DNER: variants seen among roughly 807,000 people sequenced by gnomAD.
DNER encodes the protein delta and Notch-like epidermal growth factor-related receptor.
A neutral mutation model predicts 78.2 loss-of-function variants in DNER; 33 were observed. The observed-to-expected ratio is 0.42, with a 90% confidence interval of 0.32 to 0.56. The LOEUF (loss-of-function observed/expected upper bound fraction) is 0.56, where lower values mean the gene tolerates loss of function less well. DNER is among the 20% of genes least tolerant of loss of function. The pLI is 0.11. For missense variants in DNER, 918 were observed against 975.3 expected (o/e 0.94, Z 0.78); for synonymous variants, 417 against 384.8 (o/e 1.08, Z -0.98).
chr2:229,541,905 T>TTTATATTTATATTTATAAA lies in DNER; in HGVS notation c.993+5023_993+5041dup, dbSNP rs1173841475. ...TATTTATATGTATATATAAATTATATTTATATTTATATTTATAAATTATAT... is the reference window on the plus strand; with the variant it reads ...TATTTATATGTATATATAAATTATATTTATATTTATATTTATAAATTATATTTATATTTATAAATTATAT... On this transcript the variant is annotated intron_variant, in intron 5 of 12. Transcript: ENST00000341772. Among the ~76,000 whole-genome samples the TTTATATTTATATTTATAAA allele has an allele frequency of 8.2e-5, 12 of 147,144 alleles. 1 individual carries two copies. The highest frequency in any genetic ancestry group is 2.7e-4 in the African/African-American group (11 of 40,730).
chr2:229,638,363 C>T (rs201028877), intron 1 of DNER, among the ~76,000 whole-genome samples: 2 of 152,158 alleles, frequency 1.3e-5, no homozygotes, highest in East Asian at 3.9e-4. Context: ...ATAGTATTCA[C>T]CTAAAGGCAG....
intron 4 of DNER, among the ~76,000 whole-genome samples, chr2:229,564,078 C>T (rs1271490500): frequency 5.0e-5 from 6 of 118,998 alleles, no homozygotes; most frequent in Non-Finnish European, 1.1e-4. Flanking sequence ...CATCATCATC[C>T]TCACCCCATC....
intron 10 of DNER, among the ~76,000 whole-genome samples, chr2:229,394,532 C>A (rs961772165): frequency 6.6e-6 from 1 of 152,180 alleles, no homozygotes; most frequent in Non-Finnish European, 1.5e-5. Flanking sequence ...GGGAATGAAG[C>A]GTCTGTGTGG....
At chr2:229,503,886 T>G (rs535317635) in intron 6 of DNER, among the ~76,000 whole-genome samples, 3 of 151,944 alleles carry the variant, frequency 2.0e-5, no homozygotes, top group Admixed American at 6.5e-5. Context: ...GTACTACAGA[T>G]GCACACCAAC....
Position 229,489,199 on chromosome 2 carries a change from G to C in DNER, c.1148-11946C>G, listed in dbSNP as rs933040308. On this transcript the variant is annotated intron_variant, in intron 6 of 12. Transcript: ENST00000341772. The stretch of plus-strand genomic sequence containing the variant: ...AGCTGTGAGTAAGGCAGCATGGCCT[G>C]CGGGGAGGGTGCAATCACCCAGGCG... Among the ~76,000 whole-genome samples, 18 of 152,236 alleles carry C rather than the reference G, an allele frequency of 1.2e-4. No individual in the cohort carries two copies. The East Asian group carries it at 1.5e-3, about 13-fold the overall frequency.
chr2:229,544,335 G>A (rs1696576631), intron 5 of DNER, among the ~76,000 whole-genome samples: 1 of 152,114 alleles, frequency 6.6e-6, no homozygotes, highest in Non-Finnish European at 1.5e-5. Context: ...CCTCACTCTA[G>A]TGGCTCACCT....
At chr2:229,553,771 G>T (rs1696794384) in intron 4 of DNER, among the ~76,000 whole-genome samples, 1 of 152,134 alleles carries the variant, frequency 6.6e-6, no homozygotes, top group South Asian at 2.1e-4. Context: ...AACTGCCAAC[G>T]ATAACAACTC....
intron 1 of DNER, among the ~76,000 whole-genome samples, chr2:229,639,746 A>G (rs1015010825): frequency 5.3e-5 from 8 of 152,190 alleles, no homozygotes; most frequent in African/African-American, 1.9e-4. Context: ...CACAGACATC[A>G]AGCAGCTGGC....
chr2:229,656,658 TATA>T (rs1305991387), intron 1 of DNER, among the ~76,000 whole-genome samples: 1 of 152,200 alleles, frequency 6.6e-6, no homozygotes, highest in Non-Finnish European at 1.5e-5. Context: ...CACTTCTATT[TATA>T]ACACTTAAAA....
At chr2:229,419,278 T>C (rs1223443721) in intron 8 of DNER, among the ~76,000 whole-genome samples, 1 of 152,220 alleles carries the variant, frequency 6.6e-6, no homozygotes, top group Non-Finnish European at 1.5e-5. Flanking sequence ...GGTTATGCTG[T>C]TTTCAACTTT....
At chr2:229,413,984 T>C (rs73100251) in intron 9 of DNER, among the ~76,000 whole-genome samples, 5,459 of 152,056 alleles carry the variant, frequency 0.036, 298 homozygotes, top group African/African-American at 0.12. Flanking sequence ...TATGTAAATA[T>C]ATATTGGCAA....
intron 1 of DNER, among the ~76,000 whole-genome samples, chr2:229,614,036 G>GAA (rs1698103837): frequency 1.3e-5 from 2 of 151,232 alleles, no homozygotes; most frequent in Non-Finnish European, 2.9e-5. Flanking sequence ...TGGGGTGGGG[G>GAA]GGAGCGGGGA....
chr2:229,497,169 T>C (rs1400547260), intron 6 of DNER, among the ~76,000 whole-genome samples: 1 of 152,086 alleles, frequency 6.6e-6, no homozygotes, highest in East Asian at 1.9e-4. Flanking sequence ...TTTAGAAATA[T>C]ATGAAAATTA....
chr2:229,644,244 G>A (rs1374446710), intron 1 of DNER, among the ~76,000 whole-genome samples: 1 of 151,778 alleles, frequency 6.6e-6, no homozygotes, highest in Non-Finnish European at 1.5e-5. Flanking sequence ...TCATATCGTG[G>A]AAAATGGGGT....
intron 6 of DNER, among the ~76,000 whole-genome samples, chr2:229,506,012 G>A (rs1050679712): frequency 2.0e-5 from 3 of 152,208 alleles, no homozygotes; most frequent in African/African-American, 7.2e-5. Flanking sequence ...TGACTGTTTC[G>A]TGAATCAAGA....
At chr2:229,438,040 G>A (rs1053771060) in intron 8 of DNER, among the ~76,000 whole-genome samples, 2 of 152,260 alleles carry the variant, frequency 1.3e-5, no homozygotes, top group Non-Finnish European at 2.9e-5. Flanking sequence ...AGGTGCATCC[G>A]GCAGGCATCA....
intron 11 of DNER, among the ~76,000 whole-genome samples, chr2:229,377,825 G>A (rs1235691820): frequency 6.6e-6 from 1 of 152,172 alleles, no homozygotes; most frequent in African/African-American, 2.4e-5. Context: ...TACCATTGGT[G>A]GGTGGTACGA....
chr2:229,532,466 A>G (rs1254849508), intron 5 of DNER, among the ~76,000 whole-genome samples: 1 of 152,138 alleles, frequency 6.6e-6, no homozygotes, highest in East Asian at 1.9e-4. Context: ...CTTCTTTTCA[A>G]TGCCAAACTT....
intron 8 of DNER, among the ~76,000 whole-genome samples, chr2:229,426,251 C>T (rs777294198): frequency 9.9e-5 from 15 of 152,026 alleles, no homozygotes; most frequent in Non-Finnish European, 1.8e-4. Flanking sequence ...ACCATCCTGG[C>T]TAATACTGTG....
Sources: allele counts gnomAD v4.1 joint callset (sites outside exome capture counted in the v4.1 genomes callset), GRCh38; gene constraint gnomAD v4.1.1; transcripts MANE v1.5; gene names NCBI Gene and HGNC (gene_info 2026-07-23, HGNC 2026-07-21).